Variants in UNC79 observed in about 807,000 individuals in gnomAD.
UNC79 encodes unc-79 subunit of NALCN channel complex, also known as protein unc-79 homolog.
In UNC79, 37 loss-of-function variants were observed where a neutral mutation model predicts 283.1. The ratio of observed to expected loss-of-function variants is 0.13; its 90% CI spans 0.10 to 0.17. The LOEUF (loss-of-function observed/expected upper bound fraction) is 0.17, where lower values mean the gene tolerates loss of function less well. UNC79 is among the 10% of genes least tolerant of loss of function. The pLI, the probability that UNC79 is intolerant of heterozygous loss-of-function variation, is 1.00. For synonymous variants in UNC79, 1,107 were observed against 1,200.2 expected (o/e 0.92, Z 1.61); for missense variants, 2,272 against 3,211.1 (o/e 0.71, Z 7.07).
chr14:93,580,487 A>G, intron 19 of UNC79, 111 bp downstream of exon 19: 1 of 1,087,924 alleles, frequency 9.2e-7, no homozygotes, highest in South Asian at 1.7e-5. Context: ...GCTGGGTTAT[A>G]CGTGAGACTG....
chr14:93,706,173 TAGCTTCTTCATGTGCCAAGTTCTGTTCTG>T (rs2075867156), intron 48 of UNC79, among the ~76,000 whole-genome samples: 1 of 152,222 alleles, frequency 6.6e-6, no homozygotes, highest in Admixed American at 6.5e-5. Context: ...GCTATCATCC[TAGCTTCTTCATGTGCCAAGTTCTGTTCTG>T]AGCACTTTTT....
rs1298888622 is a variant in UNC79 at position 93,415,812 on chromosome 14, G to A, written c.-350-51859G>A. Reference sequence around the variant, plus strand: ...GATTTTCTAGTTTATTTGCATAGAGGTGTTTGTAGTATTCTCTGATGGTAG... The same window carrying A: ...GATTTTCTAGTTTATTTGCATAGAGATGTTTGTAGTATTCTCTGATGGTAG... On this transcript the variant is annotated intron_variant, in intron 1 of 49. Coordinates refer to the UNC79 transcript ENST00000256339. Among the ~76,000 whole-genome samples the A allele has an allele frequency of 5.4e-4, 82 of 150,464 alleles. 1 individual carries two copies. The highest frequency in any genetic ancestry group is 1.2e-3 in the Admixed American group (18 of 15,138).
intron 24 of UNC79, among the ~76,000 whole-genome samples, chr14:93,600,164 C>T (rs1349387897): frequency 6.6e-6 from 1 of 152,320 alleles, no homozygotes; most frequent in East Asian, 1.9e-4. Flanking sequence ...CCCATCACTG[C>T]ACTCCAGCCT....
Position 93,690,359 on chromosome 14 carries a change from T to G in UNC79, c.7272+56T>G. The G allele has an allele frequency of 6.5e-7, 1 of 1,545,338 alleles. No homozygotes were observed. The highest frequency in any genetic ancestry group is 1.4e-5 in the African/African-American group (1 of 73,186). ...TGCATCGCAATTGCTAATGGAAACC[T>G]TATCAGCCAATTATGTTTCTTCTGA... On this transcript the variant is annotated intron_variant, in intron 45 of 48. Transcript: ENST00000555664. This position sits in a 1 kb window ranked among gnomAD's most constrained non-coding sequence, Gnocchi z 4.3.
At chr14:93,559,864 A>G (rs1222381452) in intron 14 of UNC79, among the ~76,000 whole-genome samples, 1 of 152,120 alleles carries the variant, frequency 6.6e-6, no homozygotes, top group African/African-American at 2.4e-5. Context: ...TATTAATAAG[A>G]AAAATAACAT....
intron 4 of UNC79, among the ~76,000 whole-genome samples, chr14:93,479,306 T>G (rs1478007442): frequency 6.6e-6 from 1 of 151,180 alleles, no homozygotes; most frequent in Non-Finnish European, 1.5e-5. Context: ...CTTTCTTTCT[T>G]TAGTTTTTTG....
intron 1 of UNC79, among the ~76,000 whole-genome samples, chr14:93,337,958 G>A (rs1375529957): frequency 1.3e-5 from 2 of 152,080 alleles, no homozygotes; most frequent in Non-Finnish European, 2.9e-5. Flanking sequence ...CCAGTGCCTG[G>A]AGCTGCCCAC....
chr14:93,460,595 C>T (rs995544147), intron 1 of UNC79, among the ~76,000 whole-genome samples: 2 of 151,814 alleles, frequency 1.3e-5, no homozygotes, highest in Non-Finnish European at 2.9e-5. Flanking sequence ...TGTATATACT[C>T]TGCTGGTATG....
intron 7 of UNC79, among the ~76,000 whole-genome samples, chr14:93,502,828 A>G (rs2059361405): frequency 6.6e-6 from 1 of 152,242 alleles, no homozygotes; most frequent in African/African-American, 2.4e-5. Flanking sequence ...ACAGTACTAC[A>G]AGGTGAAATT....
At position 93,338,072 on chromosome 14, in the gene UNC79, G is replaced by A. The variant is rs189780644; in HGVS notation, c.-351+4549G>A. ...TCTGCGCCTGGCTCGCCCTTGGCAA[G>A]CATGGGATCCAGGCTGGTAGCACAA... On this transcript the variant is annotated intron_variant, in intron 1 of 49. Transcript: ENST00000256339. Among the ~76,000 whole-genome samples, 314 of 152,274 alleles carry A rather than the reference G, an allele frequency of 2.1e-3. 5 individuals carry two copies. In the East Asian group the frequency reaches 0.023, roughly 11 times the overall value.
At chr14:93,371,047 C>T (rs1417594426) in intron 1 of UNC79, among the ~76,000 whole-genome samples, 2 of 152,090 alleles carry the variant, frequency 1.3e-5, no homozygotes, top group African/African-American at 2.4e-5. Context: ...GCAAGGTATG[C>T]TCCACCTCCT....
At chr14:93,393,660 GC>G (rs1226370771) in intron 1 of UNC79, among the ~76,000 whole-genome samples, 5 of 152,054 alleles carry the variant, frequency 3.3e-5, no homozygotes, top group Admixed American at 3.3e-4. Context: ...TTTTATTTCA[GC>G]ATTTTCCTTA....
chr14:93,622,589 G>A (rs770289469), exon 30 of UNC79: 12 of 1,613,966 alleles, frequency 7.4e-6, no homozygotes, highest in African/African-American at 6.7e-5. Context: ...GGCAAAAACC[G>A]TCCTCCTCAA....
At chr14:93,653,638 C>T (rs1194032683) in intron 35 of UNC79, 104 bp from the exon 39 acceptor site, 2 of 944,644 alleles carry the variant, frequency 2.1e-6, no homozygotes, top group Non-Finnish European at 3.3e-6. Flanking sequence ...AGTGAGCTAT[C>T]CCATCAGAGG....
At chr14:93,458,618 A>G (rs992950478) in intron 1 of UNC79, among the ~76,000 whole-genome samples, 1 of 152,250 alleles carries the variant, frequency 6.6e-6, no homozygotes, top group Non-Finnish European at 1.5e-5. Flanking sequence ...CATTATTTGC[A>G]TGTTATACAA....
exon 30 of UNC79, chr14:93,622,060 T>C (rs961831150): frequency 3.2e-5 from 52 of 1,613,956 alleles, no homozygotes; most frequent in Non-Finnish European, 4.3e-5. Flanking sequence ...ATCTGATAGA[T>C]CTATCCTCAG....
intron 38 of UNC79, among the ~76,000 whole-genome samples, chr14:93,657,726 A>G (rs1298870537): frequency 6.6e-6 from 1 of 152,170 alleles, no homozygotes; most frequent in Non-Finnish European, 1.5e-5. Context: ...AAGAGTGGCA[A>G]GTGTTGCCAG....
intron 41 of UNC79, among the ~76,000 whole-genome samples, chr14:93,675,506 T>G (rs1443838769): frequency 6.6e-6 from 1 of 152,172 alleles, no homozygotes; most frequent in Non-Finnish European, 1.5e-5. Context: ...AGTAGAGATG[T>G]GTACTGAGTA....
intron 8 of UNC79, among the ~76,000 whole-genome samples, chr14:93,527,832 C>T (rs960038847): frequency 6.6e-6 from 1 of 151,798 alleles, no homozygotes; most frequent in African/African-American, 2.4e-5. Flanking sequence ...ATTTTTTGTT[C>T]ATTTGATTTA....
Sources: gnomAD v4.1 joint callset for allele counts (sites outside exome capture counted in the v4.1 genomes callset) on GRCh38, gnomAD v4.1.1 for gene constraint, Gnocchi (gnomAD v3.1) non-coding constraint, MANE v1.5 for transcripts, NCBI Gene and HGNC (gene_info 2026-07-23, HGNC 2026-07-21) for gene names.